ATXN7: variants seen among roughly 807,000 people sequenced by gnomAD.
ATXN7 encodes the protein ataxin 7.
Under a neutral mutation model 70.5 loss-of-function variants are expected in ATXN7, and 12 were observed. That is an observed-to-expected ratio of 0.17 (90% confidence interval 0.11 to 0.28). The LOEUF (loss-of-function observed/expected upper bound fraction) is 0.28, where lower values mean the gene tolerates loss of function less well. Among genes scored for constraint, ATXN7 ranks in the 10% least tolerant of loss-of-function variants. ATXN7 has a pLI of 1.00. For synonymous variants in ATXN7, 498 were observed against 448.7 expected, an observed-to-expected ratio of 1.11 and a Z score of -1.39; for missense variants, 1,256 against 1,131.7, an observed-to-expected ratio of 1.11 and a Z score of -1.58.
intron 12 of ATXN7, 133 bp downstream of exon 12, chr3:63,996,616 TTA>T (rs2075764936): frequency 2.5e-6 from 1 of 392,288 alleles, no homozygotes; most frequent in Non-Finnish European, 3.7e-6. Flanking sequence ...TGGTGTCTTC[TTA>T]AAAAAAAAAA....
rs1305614058 is a variant in ATXN7, at chr3:63,996,297, A to T, written c.2475A>T (p.Ser825=). Residue 825 remains serine (S), a synonymous_variant, in exon 12 of 13, where the codon TCA becomes TCT. Coordinates refer to ENST00000674280, the MANE Select transcript of ATXN7 (RefSeq NM_001377405.1). ...PVNSHGSFSH[S]HTPLDKLIGK... is the part of the protein sequence containing the mutation. ...ACTCCCACGGCAGTTTTTCCCACTCACACACTCCTCTAGACAAACTCATAG... is the reference window on the plus strand; with the variant it reads ...ACTCCCACGGCAGTTTTTCCCACTCTCACACTCCTCTAGACAAACTCATAG... 6.2e-7 allele frequency: 1 copy of T among 1,614,110 alleles called. No homozygotes were observed. Among genetic ancestry groups the T allele is most frequent in the South Asian group, 1.1e-5 (1 of 91,080 alleles).
intron 1 of ATXN7, among the ~76,000 whole-genome samples, chr3:63,897,863 G>C (rs1000487679): frequency 1.3e-5 from 2 of 152,132 alleles, no homozygotes; most frequent in African/African-American, 4.8e-5. Context: ...TGAAATATAT[G>C]CACACAACTA....
chr3:63,914,767 A>G (rs887385646), intron 4 of ATXN7, among the ~76,000 whole-genome samples: 1 of 152,202 alleles, frequency 6.6e-6, no homozygotes. Flanking sequence ...CTTGAGCTGG[A>G]CAGGGACCCA....
chr3:64,002,499 G>A lies in ATXN7; in HGVS notation c.*3032G>A, dbSNP rs888795568. On this transcript the variant is annotated 3_prime_UTR_variant, in exon 13 of 13. Coordinates refer to ENST00000674280, the MANE Select transcript of ATXN7 (RefSeq NM_001377405.1). ...TTTATGTGTGGGAGTATGTGACTGC[G>A]TGTGTGTGTGCCTGTGCGTGTGTGT... is the stretch of plus-strand genomic sequence containing the variant. The A allele has an allele frequency of 1.3e-5, 2 of 150,940 alleles. No homozygotes were observed. The highest frequency in any genetic ancestry group is 2.5e-5 in the African/African-American group (1 of 40,462). The allele number at this position is 150,940 out of a possible 1,614,324, so 9.4% of individuals were successfully genotyped here.
chr3:63,991,597 T>C (rs1003333788), intron 11 of ATXN7, among the ~76,000 whole-genome samples: 3 of 151,902 alleles, frequency 2.0e-5, no homozygotes, highest in Admixed American at 1.3e-4. Flanking sequence ...GTTGAAGAAA[T>C]AGCAAGAAAT....
intron 8 of ATXN7, 109 bp from the exon 9 acceptor site, chr3:63,987,950 A>C: frequency 1.5e-6 from 2 of 1,346,392 alleles, no homozygotes; most frequent in South Asian, 2.8e-5. Flanking sequence ...GCCTTTCACT[A>C]TGCTTATGGT....
chr3:63,939,658 C>G (rs1479226366), intron 4 of ATXN7, among the ~76,000 whole-genome samples: 2 of 152,152 alleles, frequency 1.3e-5, no homozygotes, highest in Admixed American at 6.5e-5. Flanking sequence ...AGCATATATT[C>G]AAGAAAAATG....
chr3:63,917,621 T>C (rs887712476), intron 4 of ATXN7, among the ~76,000 whole-genome samples: 3 of 152,214 alleles, frequency 2.0e-5, no homozygotes, highest in Admixed American at 1.3e-4. Context: ...CTCTGTACTT[T>C]TTCTTTCTGC....
intron 1 of ATXN7, among the ~76,000 whole-genome samples, chr3:63,874,991 C>T (rs1370342336): frequency 6.6e-6 from 1 of 152,192 alleles, no homozygotes; most frequent in Admixed American, 6.5e-5. Context: ...GGCAAACAAG[C>T]TCCTGGACCT....
intron 11 of ATXN7, among the ~76,000 whole-genome samples, chr3:63,991,239 A>G (rs2075666820): frequency 6.6e-6 from 1 of 151,982 alleles, no homozygotes; most frequent in Admixed American, 6.6e-5. Flanking sequence ...CAACTTAAAT[A>G]TACTTAACAT....
chr3:63,889,811 A>G (rs1703201382), intron 1 of ATXN7, among the ~76,000 whole-genome samples: 1 of 152,194 alleles, frequency 6.6e-6, no homozygotes, highest in African/African-American at 2.4e-5. Context: ...ATTTTTATGA[A>G]TAGGGTAATC....
At chr3:63,923,854 G>A (rs1704597522) in intron 4 of ATXN7, among the ~76,000 whole-genome samples, 1 of 152,174 alleles carries the variant, frequency 6.6e-6, no homozygotes. Flanking sequence ...TCTGAGAAGG[G>A]AAGGGGGAGG....
chr3:63,872,448 C>G (rs1702625842), intron 1 of ATXN7, among the ~76,000 whole-genome samples: 1 of 152,186 alleles, frequency 6.6e-6, no homozygotes, highest in Non-Finnish European at 1.5e-5. Flanking sequence ...TCTCTCTGAG[C>G]TCCACATAAT....
At chr3:63,884,246 C>G (rs969282917) in intron 1 of ATXN7, among the ~76,000 whole-genome samples, 1 of 145,214 alleles carries the variant, frequency 6.9e-6, no homozygotes, top group Non-Finnish European at 1.5e-5. Context: ...CACACATACT[C>G]TCACACACAC....
At position 63,871,339 on chromosome 3, in the gene ATXN7, T is replaced by C. The variant is rs542266018; in HGVS notation, c.-111+7181T>C. Among the ~76,000 whole-genome samples the C allele has an allele frequency of 8.5e-5, 13 of 152,316 alleles. No homozygotes were observed. In the East Asian group the frequency reaches 2.5e-3, roughly 29 times the overall value. ...ATAGATATTAGAGGTGTAAAATGTG[T>C]TCTTACTTTTAGCATTTAAGGGTTT... On this transcript the variant is annotated intron_variant, in intron 1 of 12. Coordinates refer to ENST00000674280, the MANE Select transcript of ATXN7 (RefSeq NM_001377405.1).
At chr3:63,974,483 T>G (rs1233307476) in intron 5 of ATXN7, among the ~76,000 whole-genome samples, 1 of 152,262 alleles carries the variant, frequency 6.6e-6, no homozygotes, top group African/African-American at 2.4e-5. Context: ...TGCCTTGTGC[T>G]TTCACCCAGG....
intron 5 of ATXN7, among the ~76,000 whole-genome samples, chr3:63,959,720 A>C (rs2075095109): frequency 6.6e-6 from 1 of 152,172 alleles, no homozygotes; most frequent in Non-Finnish European, 1.5e-5. Flanking sequence ...CTTTAAAATA[A>C]AGTTATGTCA....
chr3:63,892,374 CCACACA>C (rs56293497), intron 1 of ATXN7, among the ~76,000 whole-genome samples: 2,666 of 133,426 alleles, frequency 0.02, 28 homozygotes, highest in African/African-American at 0.028. Flanking sequence ...GACACCTCTA[CCACACA>C]CACACACACA....
chr3:63,964,073 AACAC>A (rs10557844), intron 5 of ATXN7, among the ~76,000 whole-genome samples: 35,398 of 146,884 alleles, frequency 0.24, 4,253 homozygotes, highest in East Asian at 0.46. Flanking sequence ...TAGACACATA[AACAC>A]ACACACACAC....
Sources: allele counts gnomAD v4.1 joint callset (sites outside exome capture counted in the v4.1 genomes callset), GRCh38; gene constraint gnomAD v4.1.1; transcripts MANE v1.5; gene names NCBI Gene and HGNC (gene_info 2026-07-23, HGNC 2026-07-21).